The following EML1 variants were observed in gnomAD, a reference collection of about 807,000 sequenced individuals.
EML1 encodes the protein EMAP like 1, also known as echinoderm microtubule-associated protein-like 1.
A neutral mutation model predicts 110.4 loss-of-function variants in EML1; 27 were observed. The ratio of observed to expected loss-of-function variants is 0.24; its 90% confidence interval spans 0.18 to 0.34. The LOEUF is 0.34. Among genes scored for constraint, EML1 ranks in the 10% least tolerant of loss-of-function variants. The pLI, the probability that EML1 is intolerant of heterozygous loss-of-function variation, is 1.00. For synonymous variants in EML1, 344 were observed against 385.8 expected (o/e 0.89, Z 1.27); for missense variants, 741 against 1,030.9 (o/e 0.72, Z 3.85).
chr14:99,809,685 G>A (rs781613195), intron 1 of EML1: 2 of 456,066 alleles, frequency 4.4e-6, no homozygotes. Flanking sequence ...ATGTTTTTTG[G>A]TAACTTGTTT....
chr14:99,882,664 A>G (rs1191110), intron 4 of EML1, among the ~76,000 whole-genome samples: 16 of 96,294 alleles, frequency 1.7e-4, no homozygotes, highest in South Asian at 8.9e-4. Flanking sequence ...AAAAAAAAAA[A>G]AAAAAAAAAA....
chr14:99,913,982 G>A (rs1032791993), intron 13 of EML1, among the ~76,000 whole-genome samples, 197 bp from the exon 14 acceptor site: 3 of 129,540 alleles, frequency 2.3e-5, no homozygotes, highest in Non-Finnish European at 4.9e-5. Context: ...GAGCCACCAA[G>A]CCTGGCCAGC....
chr14:99,854,839 C>T (rs569959857), intron 2 of EML1, among the ~76,000 whole-genome samples: 2 of 152,216 alleles, frequency 1.3e-5, no homozygotes, highest in Admixed American at 6.5e-5. Flanking sequence ...CTTGCTAATA[C>T]GGAAGTGTTT....
At chr14:99,919,838 T>C (rs1176341036) in intron 16 of EML1, among the ~76,000 whole-genome samples, 1 of 152,034 alleles carries the variant, frequency 6.6e-6, no homozygotes, top group East Asian at 1.9e-4. Flanking sequence ...AAAATCCACA[T>C]TTCTGGGGGG....
Position 99,936,190 on chromosome 14 carries a change from A to T in EML1, c.2008-57A>T. On this transcript the variant is annotated intron_variant, in intron 18 of 21. Coordinates refer to ENST00000262233, the MANE Select transcript of EML1 (RefSeq NM_004434.3). The surrounding 1 kb of genome is among the most constrained non-coding windows in gnomAD (Gnocchi z 5.5). Reference sequence around the variant, plus strand: ...GCGTATAGTTTAACTACCGTGGAACAGTGTTGGCAGGGACTTCTAAGGCCA... The same window carrying T: ...GCGTATAGTTTAACTACCGTGGAACTGTGTTGGCAGGGACTTCTAAGGCCA... The T allele has an allele frequency of 6.2e-7, 1 of 1,612,550 alleles. No homozygotes were observed. Among genetic ancestry groups the T allele is most frequent in the Non-Finnish European group, 8.5e-7 (1 of 1,178,584 alleles).
At chr14:99,836,481 C>A (rs1238671559) in intron 1 of EML1, among the ~76,000 whole-genome samples, 2 of 152,090 alleles carry the variant, frequency 1.3e-5, no homozygotes, top group African/African-American at 4.8e-5. Context: ...TTCTTCCTTC[C>A]CAGTCTGTAT....
At chr14:99,878,818 C>T (rs771136194) in intron 4 of EML1, among the ~76,000 whole-genome samples, 199 bp downstream of exon 4, 4 of 143,176 alleles carry the variant, frequency 2.8e-5, no homozygotes, top group East Asian at 3.9e-4. Flanking sequence ...CACAAACTAC[C>T]GTCCAGGTGG....
Position 99,865,551 on chromosome 14 carries a change from G to A in EML1, c.288G>A (p.Thr96=), listed in dbSNP as rs139087520. 1.5e-5 allele frequency: 24 copies of A among 1,614,010 alleles called. No homozygotes were observed. Among genetic ancestry groups the A allele is most frequent in the African/African-American group, 1.2e-4 (9 of 74,908 alleles). ...TGCAGACCCTGCCTTTAAGAACCAC[G>A]GTCAACAATGGCACTGTGTTACCAA... ...PLMQTLPLRT[T]VNNGTVLPKK... is the part of the protein sequence containing the mutation. The change falls in exon 3 of 22, where the codon ACG becomes ACA. Residue 96 remains threonine (T), a synonymous_variant. Transcript: ENST00000262233.
chr14:99,885,898 T>C (rs1226121638), intron 4 of EML1: 1 of 455,626 alleles, frequency 2.2e-6, no homozygotes, highest in African/African-American at 2.0e-5. Flanking sequence ...CTGGTGGAGG[T>C]GAAGCCCCTC....
chr14:99,802,658 GC>G (rs2057902799), intron 1 of EML1, among the ~76,000 whole-genome samples: 1 of 152,110 alleles, frequency 6.6e-6, no homozygotes, highest in Non-Finnish European at 1.5e-5. Context: ...GGCAGTCCAG[GC>G]CACGGGGGAG....
At chr14:99,923,077 G>GA (rs1224409242) in intron 17 of EML1, among the ~76,000 whole-genome samples, 2 of 152,078 alleles carry the variant, frequency 1.3e-5, no homozygotes, top group Non-Finnish European at 2.9e-5. Context: ...AAGTAGCTGG[G>GA]AACACAGGCA....
intron 17 of EML1, among the ~76,000 whole-genome samples, chr14:99,922,431 T>G (rs2060146314): frequency 2.0e-5 from 3 of 152,178 alleles, no homozygotes. Context: ...GGATTTAGAT[T>G]GTTTCTGGTT....
intron 1 of EML1, among the ~76,000 whole-genome samples, chr14:99,836,782 T>C (rs1425860876): frequency 6.6e-6 from 1 of 152,114 alleles, no homozygotes; most frequent in Non-Finnish European, 1.5e-5. Flanking sequence ...AGCTTTGTAC[T>C]GGGGGTAGTT....
At chr14:99,758,155 G>T (rs1315395227) in intron 1 of EML1, among the ~76,000 whole-genome samples, 1 of 152,198 alleles carries the variant, frequency 6.6e-6, no homozygotes. Context: ...GCCAAGACAC[G>T]CTGGGAAAAC....
intron 1 of EML1, among the ~76,000 whole-genome samples, chr14:99,810,469 C>T (rs978049991): frequency 1.3e-5 from 2 of 152,210 alleles, no homozygotes; most frequent in African/African-American, 4.8e-5. Context: ...CTGGTGTTGG[C>T]CCTTTTCATA....
rs867761324 is a variant in EML1 at position 99,932,668 on chromosome 14, T to C, written c.1910-3361T>C. ...TCTTAAAAAAAAAAAAAAAAAGATA[T>C]GGCGATGGTGATTATGCAGGTGTAG... On this transcript the variant is annotated intron_variant, in intron 17 of 21. Transcript: ENST00000262233. Among the ~76,000 whole-genome samples the C allele has an allele frequency of 3.3e-4, 49 of 147,880 alleles. 1 individual carries two copies. Among genetic ancestry groups the C allele is most frequent in the South Asian group, 1.9e-3 (9 of 4,648 alleles).
intron 1 of EML1, among the ~76,000 whole-genome samples, chr14:99,759,411 G>A (rs1266882627): frequency 6.6e-6 from 1 of 152,216 alleles, no homozygotes; most frequent in Non-Finnish European, 1.5e-5. Flanking sequence ...ATCTCTGATG[G>A]TTCTCTGACC....
chr14:99,744,469 A>G (rs1356056362), intron 1 of EML1, among the ~76,000 whole-genome samples: 1 of 152,188 alleles, frequency 6.6e-6, no homozygotes, highest in African/African-American at 2.4e-5. Flanking sequence ...TGGCCAGAGG[A>G]CAGAGTGTGT....
rs1040667628 is a variant in EML1, at chr14:99,750,020, G to A, written c.28+12160G>A. Among the ~76,000 whole-genome samples, 4 of 152,236 alleles carry A rather than the reference G, an allele frequency of 2.6e-5. No homozygotes were observed. The South Asian group carries it at 6.2e-4, about 24-fold the overall frequency. Reference sequence around the variant, plus strand: ...AAGGCAGCCAGGAGTGTCCTCCCGCGAGGTTGGCTCTTTCTGCCCCTTATC... The same window carrying A: ...AAGGCAGCCAGGAGTGTCCTCCCGCAAGGTTGGCTCTTTCTGCCCCTTATC... On this transcript the variant is annotated intron_variant, in intron 1 of 10. Transcript: ENST00000554479.
Sources: gnomAD v4.1 joint callset for allele counts (sites outside exome capture counted in the v4.1 genomes callset) on GRCh38, gnomAD v4.1.1 for gene constraint, Gnocchi (gnomAD v3.1) non-coding constraint, MANE v1.5 for transcripts, NCBI Gene and HGNC (gene_info 2026-07-23, HGNC 2026-07-21) for gene names.